Variants in ABCB5 observed in about 807,000 individuals in gnomAD.
ABCB5 encodes the protein ATP-binding cassette sub-family B member 5.
A neutral mutation model predicts 144.2 loss-of-function variants in ABCB5; 155 were observed. The observed-to-expected ratio is 1.08, with a 90% CI of 0.94 to 1.23. The LOEUF (loss-of-function observed/expected upper bound fraction) is 1.23. ABCB5 is among the 50% of genes most tolerant of loss of function. The pLI, the probability that ABCB5 is intolerant of heterozygous loss-of-function variation, is 0.00. For missense variants in ABCB5, 1,830 were observed against 1,520.8 expected (o/e 1.20, Z -3.38); for synonymous variants, 610 against 528.6 (o/e 1.15, Z -2.11).
At chr7:20,647,376 T>G in intron 9 of ABCB5, 159 bp from the exon 10 acceptor site, 1 of 1,369,080 alleles carries the variant, frequency 7.3e-7, no homozygotes, top group Admixed American at 3.5e-5. Context: ...AGATCAAGTG[T>G]AATCTGTGTT....
chr7:20,651,704 C>A (rs970820912), intron 13 of ABCB5, 81 bp downstream of exon 13: 1 of 1,414,450 alleles, frequency 7.1e-7, no homozygotes, highest in Middle Eastern at 2.2e-4. Flanking sequence ...GAAACAACAA[C>A]TGATGCAGAA....
At chr7:20,637,408 G>A (rs541916868) in intron 5 of ABCB5, among the ~76,000 whole-genome samples, 2 of 149,318 alleles carry the variant, frequency 1.3e-5, no homozygotes, top group Admixed American at 1.3e-4. Context: ...GCTGCCAAAA[G>A]TTGATTACTT....
intron 14 of ABCB5, among the ~76,000 whole-genome samples, chr7:20,674,080 C>G (rs1034622068): frequency 2.6e-5 from 4 of 151,812 alleles, no homozygotes; most frequent in Admixed American, 1.3e-4. Context: ...TAAGCTATTG[C>G]GATTAGACAT....
chr7:20,675,833 A>G (rs1258781234), intron 14 of ABCB5, among the ~76,000 whole-genome samples: 1 of 152,014 alleles, frequency 6.6e-6, no homozygotes, highest in East Asian at 1.9e-4. Flanking sequence ...ATAAAGAATA[A>G]ATAACCTGAT....
chr7:20,706,648 A>C (rs1277978176), intron 20 of ABCB5, among the ~76,000 whole-genome samples: 1 of 152,194 alleles, frequency 6.6e-6, no homozygotes, highest in Non-Finnish European at 1.5e-5. Context: ...ACTAGTAGCT[A>C]GAGAATAAAT....
chr7:20,716,240 A>T (rs1249464302), intron 20 of ABCB5, among the ~76,000 whole-genome samples: 1 of 152,218 alleles, frequency 6.6e-6, no homozygotes, highest in Non-Finnish European at 1.5e-5. Flanking sequence ...AGAAACTTCC[A>T]AGTGGAAATT....
chr7:20,674,965 C>T (rs1392937549), intron 14 of ABCB5, among the ~76,000 whole-genome samples: 3 of 151,856 alleles, frequency 2.0e-5, no homozygotes, highest in Non-Finnish European at 4.4e-5. Context: ...AATACTTGTA[C>T]ACTGAAAACT....
intron 14 of ABCB5, among the ~76,000 whole-genome samples, chr7:20,669,434 C>T (rs1300964919): frequency 7.2e-6 from 1 of 139,566 alleles, no homozygotes; most frequent in East Asian, 2.1e-4. Context: ...TTATCCCCAA[C>T]CCTGTGCTCT....
intron 20 of ABCB5, among the ~76,000 whole-genome samples, chr7:20,722,198 G>A (rs1226728377): frequency 1.3e-5 from 2 of 152,210 alleles, no homozygotes; most frequent in Non-Finnish European, 2.9e-5. Flanking sequence ...TAGGGTTGAA[G>A]AGATGGCAGG....
At chr7:20,729,827 C>T (rs1231389869) in intron 23 of ABCB5, among the ~76,000 whole-genome samples, 1 of 152,210 alleles carries the variant, frequency 6.6e-6, no homozygotes, top group African/African-American at 2.4e-5. Flanking sequence ...TACAAGGATG[C>T]TGCTATTTGG....
Position 20,756,565 on chromosome 7 carries a change from C to G in ABCB5, c.*941C>G, listed in dbSNP as rs1246924631. 6.6e-6 allele frequency: 1 copy of G among 152,102 alleles called. No homozygotes were observed. The highest frequency in any genetic ancestry group is 1.5e-5 in the Non-Finnish European group (1 of 68,054). 9.4% of individuals were successfully genotyped at this position (152,102 alleles called of 1,614,324 possible). The stretch of plus-strand genomic sequence containing the variant: ...GGCTGAGGCAGGAGAATCATTTGAA[C>G]CTAGGAGGCAGAGGTTGCAGTGAGC... On this transcript the variant is annotated 3_prime_UTR_variant, in exon 28 of 28. Coordinates refer to ENST00000404938, the MANE Select transcript of ABCB5 (RefSeq NM_001163941.2).
chr7:20,662,967 G>A (rs1254985522), intron 14 of ABCB5, among the ~76,000 whole-genome samples: 1 of 152,180 alleles, frequency 6.6e-6, no homozygotes, highest in African/African-American at 2.4e-5. Context: ...ACAAATGGAT[G>A]ATAACAGCTA....
At position 20,681,651 on chromosome 7, in the gene ABCB5, A is replaced by C; in HGVS notation, c.1854A>C (p.Ser618=). The C allele has an allele frequency of 1.2e-6, 2 of 1,613,844 alleles. No individual in the cohort carries two copies. Among genetic ancestry groups the C allele is most frequent in the Non-Finnish European group, 1.7e-6 (2 of 1,179,866 alleles). Residue 618 remains serine (S), a synonymous_variant, in exon 15 of 28, where the codon TCA becomes TCC. Transcript: ENST00000404938. ...ELMAKRGLYY[S]LVMSQDIKKA... ...TGGCAAAACGAGGTCTATATTATTCACTTGTGATGTCACAGGTAATGCTTA... is the reference window on the plus strand; with the variant it reads ...TGGCAAAACGAGGTCTATATTATTCCCTTGTGATGTCACAGGTAATGCTTA...
intron 14 of ABCB5, chr7:20,666,779 C>T (rs370946818): frequency 1.7e-4 from 279 of 1,595,140 alleles, no homozygotes; most frequent in Middle Eastern, 3.3e-4. Flanking sequence ...ACAACAAAGA[C>T]GTATTGATAA....
At position 20,653,536 on chromosome 7, in the gene ABCB5, G is replaced by T. The variant is rs2285560; in HGVS notation, c.1536+1913G>T. On this transcript the variant is annotated intron_variant, in intron 13 of 27. Coordinates refer to ENST00000404938, the MANE Select transcript of ABCB5 (RefSeq NM_001163941.2). ...CCATGAAATTGGATAAAACATATGAGGCCAAGGGCAGTCATTTCCATGCAT... is the reference window on the plus strand; with the variant it reads ...CCATGAAATTGGATAAAACATATGATGCCAAGGGCAGTCATTTCCATGCAT... Among the ~76,000 whole-genome samples, 608 of 152,230 alleles carry T rather than the reference G, an allele frequency of 4.0e-3. 4 individuals carry two copies. Among genetic ancestry groups the T allele is most frequent in the Non-Finnish European group, 6.4e-3 (436 of 68,020 alleles).
chr7:20,696,072 C>T (rs1266557604), intron 16 of ABCB5, among the ~76,000 whole-genome samples: 1 of 151,960 alleles, frequency 6.6e-6, no homozygotes, highest in Non-Finnish European at 1.5e-5. Flanking sequence ...GATATTTGCT[C>T]AAGAGAAATG....
Position 20,698,446 on chromosome 7 carries a change from T to C in ABCB5, c.2050T>C (p.Leu684=). The C allele has an allele frequency of 6.3e-7, 1 of 1,587,656 alleles. No individual in the cohort carries two copies. The highest frequency in any genetic ancestry group is 1.2e-5 in the South Asian group (1 of 85,082). Residue 684 remains leucine (L), a synonymous_variant, in exon 17 of 28, where the codon TTA becomes CTA. Transcript: ENST00000404938. The part of the protein sequence containing the change: ...PEVSLLKILK[L]NKPEWPFVVL... ...AGTCTCTCTATTAAAAATTTTAAAG[T>C]TAAACAAGCCTGAATGGCCTTTTGT... is the stretch of plus-strand genomic sequence containing the variant.
At position 20,710,383 on chromosome 7, in the gene ABCB5, T is replaced by C. The variant is rs62453379; in HGVS notation, c.2421+5576T>C. Among the ~76,000 whole-genome samples the C allele has an allele frequency of 5.8e-5, 4 of 69,084 alleles. 1 individual carries two copies. The highest frequency in any genetic ancestry group is 1.1e-3 in the East Asian group (2 of 1,798). The allele number at this position is 69,084 out of a possible 152,430, so 45.3% of individuals were successfully genotyped here. A position where few individuals can be genotyped will look rare whatever the true frequency, so the allele number is the denominator to read the frequency against. ...ACTCCACCTCAAAAAAAAAAAAAAG[T>C]GGGGGGGGGGCATGACTGTGTTTCA... On this transcript the variant is annotated intron_variant, in intron 20 of 27. Coordinates refer to ENST00000404938, the MANE Select transcript of ABCB5 (RefSeq NM_001163941.2).
chr7:20,708,419 G>A (rs987203866), intron 20 of ABCB5, among the ~76,000 whole-genome samples: 13 of 152,230 alleles, frequency 8.5e-5, no homozygotes, highest in South Asian at 4.1e-4. Flanking sequence ...CAGGAGGATC[G>A]CTCGAGCCTG....
Sources: allele counts gnomAD v4.1 joint callset (sites outside exome capture counted in the v4.1 genomes callset), GRCh38; gene constraint gnomAD v4.1.1; transcripts MANE v1.5; gene names NCBI Gene and HGNC (gene_info 2026-07-23, HGNC 2026-07-21).